The following TENM3 variants were observed in gnomAD, a reference collection of about 807,000 sequenced individuals.
TENM3 encodes teneurin-3.
A neutral mutation model predicts 255.1 loss-of-function variants in TENM3; 63 were observed. That is an observed-to-expected ratio of 0.25 (90% CI 0.20 to 0.30). The LOEUF (loss-of-function observed/expected upper bound fraction) is 0.30, where lower values mean the gene tolerates loss of function less well. Ranked by LOEUF, TENM3 falls within the 10% of genes least tolerant of loss-of-function variation. The probability of loss-of-function intolerance (pLI) is 1.00; values close to 1 mark genes in which losing one functional copy is unlikely to be tolerated. For synonymous variants in TENM3, 1,306 were observed against 1,322.3 expected, an observed-to-expected ratio of 0.99 and a Z score of 0.27; for missense variants, 2,929 against 3,461.1, an observed-to-expected ratio of 0.85 and a Z score of 3.86.
intron 4 of TENM3, among the ~76,000 whole-genome samples, chr4:182,620,408 T>C (rs1361373160): frequency 6.6e-6 from 1 of 152,192 alleles, no homozygotes; most frequent in Non-Finnish European, 1.5e-5. Context: ...GAAAGAGCCA[T>C]TGTTGCCTTT....
At chr4:182,160,722 T>A (rs918061087) in intron 1 of TENM3, among the ~76,000 whole-genome samples, 12 of 152,144 alleles carry the variant, frequency 7.9e-5, no homozygotes, top group African/African-American at 2.9e-4. Flanking sequence ...AAGGGTACAG[T>A]TTCATTTAGA....
chr4:181,562,446 A>T, the TENM3 span, among the ~76,000 whole-genome samples: 1 of 152,202 alleles, frequency 6.6e-6, no homozygotes, highest in Admixed American at 6.5e-5. Flanking sequence ...TATAAAAATT[A>T]ATTCTCTCAC....
At chr4:181,513,419 T>A in the TENM3 span, among the ~76,000 whole-genome samples, 339 of 152,308 alleles carry the variant, frequency 2.2e-3, 1 homozygote, top group African/African-American at 7.8e-3. Context: ...CAAAATTTTC[T>A]TAAAAATGTA....
chr4:181,995,321 C>T, the TENM3 span, among the ~76,000 whole-genome samples: 1 of 151,530 alleles, frequency 6.6e-6, no homozygotes, highest in Non-Finnish European at 1.5e-5. Context: ...AAAAAAGAAA[C>T]AATACAGTGA....
At chr4:182,041,874 C>T in the TENM3 span, among the ~76,000 whole-genome samples, 1 of 152,230 alleles carries the variant, frequency 6.6e-6, no homozygotes, top group East Asian at 1.9e-4. Context: ...ATGCTATTAC[C>T]CTTCATGAAT....
intron 1 of TENM3, among the ~76,000 whole-genome samples, chr4:182,185,911 T>C (rs968148561): frequency 1.3e-5 from 2 of 152,212 alleles, no homozygotes; most frequent in African/African-American, 4.8e-5. Context: ...GAAAATGCCT[T>C]TAAAATCTGC....
chr4:181,717,325 C>A, the TENM3 span, among the ~76,000 whole-genome samples: 1 of 152,120 alleles, frequency 6.6e-6, no homozygotes, highest in African/African-American at 2.4e-5. Flanking sequence ...GAGAAAATTG[C>A]AGGAGATGAT....
At chr4:182,223,078 C>G (rs1172260859) in intron 1 of TENM3, among the ~76,000 whole-genome samples, 12 of 151,890 alleles carry the variant, frequency 7.9e-5, no homozygotes, top group Non-Finnish European at 1.6e-4. Flanking sequence ...AGCAGCTTGT[C>G]AATAAGAATG....
intron 24 of TENM3, among the ~76,000 whole-genome samples, chr4:182,781,072 G>A (rs1765124207): frequency 6.6e-6 from 1 of 151,756 alleles, no homozygotes; most frequent in Admixed American, 6.6e-5. Context: ...TAATTGCCCT[G>A]GCCAGAACTT....
chr4:182,702,798 T>C (rs976786705), intron 12 of TENM3, among the ~76,000 whole-genome samples: 5 of 151,516 alleles, frequency 3.3e-5, no homozygotes, highest in African/African-American at 9.7e-5. Flanking sequence ...AGTGCAGTGG[T>C]GCGATCTCGG....
At position 182,800,079 on chromosome 4, in the gene TENM3, G is replaced by A. The variant is rs372265897; in HGVS notation, c.7828G>A (p.Gly2610Ser). 2.0e-5 allele frequency: 32 copies of A among 1,599,366 alleles called. No homozygotes were observed. The highest frequency in any genetic ancestry group is 2.7e-5 in the African/African-American group (2 of 74,510). ...FGALALHVRY[G>S]MTLDEEKARI... ...CGCGCTGGCGCTGCACGTGCGCTAC[G>A]GCATGACCCTGGACGAGGAGAAGGC... Residue 2610 changes from glycine to serine, a missense_variant, in exon 28 of 28, where the codon GGC (glycine) becomes AGC (serine). Gly to Ser is a moderately conservative substitution (Grantham distance 56). This residue lies in a region of TENM3 where 476 missense variants were observed against 480.1 expected (regional missense o/e 0.99). Transcript: ENST00000511685.
intron 5 of TENM3, among the ~76,000 whole-genome samples, chr4:182,635,636 T>C (rs1273309239): frequency 1.3e-5 from 2 of 152,230 alleles, no homozygotes; most frequent in Non-Finnish European, 2.9e-5. Flanking sequence ...ATTTAAAAAA[T>C]ACATATGTAG....
intron 5 of TENM3, among the ~76,000 whole-genome samples, chr4:182,653,279 A>G (rs565930053): frequency 6.6e-6 from 1 of 152,326 alleles, no homozygotes; most frequent in Admixed American, 6.5e-5. Context: ...TATTTTGTAC[A>G]GCTGAATTTC....
At chr4:181,790,039 G>C in the TENM3 span, among the ~76,000 whole-genome samples, 1 of 152,194 alleles carries the variant, frequency 6.6e-6, no homozygotes, top group African/African-American at 2.4e-5. Flanking sequence ...TGGGTCAGAA[G>C]TGTATGTGAC....
intron 3 of TENM3, among the ~76,000 whole-genome samples, chr4:182,358,424 G>C (rs574864033): frequency 2.0e-5 from 3 of 151,582 alleles, no homozygotes; most frequent in Admixed American, 1.3e-4. Flanking sequence ...TCCTTGAAGA[G>C]GTCCTTCACA....
the TENM3 span, among the ~76,000 whole-genome samples, chr4:181,587,460 A>G: frequency 1.3e-5 from 2 of 152,158 alleles, no homozygotes; most frequent in Non-Finnish European, 2.9e-5. Context: ...CTTATCTTTC[A>G]TCAGTGAGTA....
intron 3 of TENM3, among the ~76,000 whole-genome samples, chr4:182,549,197 C>A (rs1490540632): frequency 6.6e-6 from 1 of 152,150 alleles, no homozygotes; most frequent in Non-Finnish European, 1.5e-5. Flanking sequence ...TGTGTGCATG[C>A]TGGTAGATGT....
chr4:182,642,143 C>CT (rs1752370604), intron 5 of TENM3, among the ~76,000 whole-genome samples: 1 of 152,212 alleles, frequency 6.6e-6, no homozygotes, highest in African/African-American at 2.4e-5. Flanking sequence ...TAGGTAATGG[C>CT]TGACCCCTTT....
At chr4:181,588,665 T>C in the TENM3 span, among the ~76,000 whole-genome samples, 165 of 152,250 alleles carry the variant, frequency 1.1e-3, no homozygotes, top group African/African-American at 3.8e-3. Context: ...TTGTTGAATT[T>C]TGTGTTGTAA....
Sources: allele counts gnomAD v4.1 joint callset (sites outside exome capture counted in the v4.1 genomes callset), GRCh38; gene constraint gnomAD v4.1.1; regional missense constraint gnomAD v4.1.1; transcripts MANE v1.5; gene names NCBI Gene and HGNC (gene_info 2026-07-23, HGNC 2026-07-21).